Variants in ZNF479 observed in about 807,000 individuals in gnomAD.
ZNF479 encodes zinc finger protein 479.
ZNF479 carries 15 observed loss-of-function variants against 14.7 expected under a neutral mutation model. The observed-to-expected ratio is 1.02, with a 90% CI of 0.68 to 1.57. The LOEUF (loss-of-function observed/expected upper bound fraction) is 1.57. Among genes scored for constraint, ZNF479 ranks in the 40% most tolerant of loss-of-function variants. The pLI is 0.00. For synonymous variants in ZNF479, 145 were observed against 211.5 expected (o/e 0.69, Z 2.73); for missense variants, 506 against 615.1 (o/e 0.82, Z 1.88).
intron 2 of ZNF479, 34 bp downstream of exon 2, chr7:57,126,558 T>C (rs1208579617): frequency 6.3e-7 from 1 of 1,578,870 alleles, no homozygotes; most frequent in East Asian, 2.2e-5. Flanking sequence ...AGAAAAGCAA[T>C]ATATTAGGAA....
intron 3 of ZNF479, among the ~76,000 whole-genome samples, chr7:57,121,814 A>T (rs1785967097): frequency 6.6e-6 from 1 of 152,152 alleles, no homozygotes; most frequent in Non-Finnish European, 1.5e-5. Context: ...CCAATCAAAA[A>T]AATCAAAAAT....
upstream of ZNF479, among the ~76,000 whole-genome samples, chr7:57,133,734 C>A (rs1272916401): frequency 6.6e-6 from 1 of 152,034 alleles, no homozygotes; most frequent in Admixed American, 6.6e-5. Flanking sequence ...GGCGTGGTGA[C>A]AGGCATCTGC....
At chr7:57,124,814 C>T (rs928896306) in intron 3 of ZNF479, among the ~76,000 whole-genome samples, 15 of 152,172 alleles carry the variant, frequency 9.9e-5, no homozygotes, top group African/African-American at 2.4e-4. Flanking sequence ...GTGGCTCACA[C>T]GTGTGATCCC....
chr7:57,126,621 A>C lies in ZNF479; in HGVS notation c.137T>G (p.Leu46Ter). Residue 46 changes from leucine (L) to a stop codon, truncating the protein, a stop_gained, in exon 2 of 4, where the codon TTA (leucine) becomes TGA (stop). Transcript: ENST00000319636. LOFTEE classifies it high-confidence loss of function. Reference protein sequence around the residue: ...AQRNLYRDVMLENYRNLVSLG... With the variant: ...AQRNLYRDVM ...GGAGACCAGGTTTCTGTAGTTCTCT[A>C]ACATCACATCTCTATATAAATTCCG... 4 of 1,614,008 alleles carry C rather than the reference A, an allele frequency of 2.5e-6. No homozygotes were observed. Among genetic ancestry groups the C allele is most frequent in the Non-Finnish European group, 3.4e-6 (4 of 1,179,958 alleles).
chr7:57,128,296 C>T (rs1379729791), intron 1 of ZNF479, among the ~76,000 whole-genome samples: 3 of 152,110 alleles, frequency 2.0e-5, no homozygotes, highest in Non-Finnish European at 4.4e-5. Flanking sequence ...CAGATAACTT[C>T]CCTGTTCTGT....
chr7:57,131,108 A>G (rs1211343061), intron 1 of ZNF479, among the ~76,000 whole-genome samples: 1 of 152,192 alleles, frequency 6.6e-6, no homozygotes, highest in Non-Finnish European at 1.5e-5. Context: ...AGGTCTGTTC[A>G]GGGTAGAGGA....
chr7:57,134,458 G>A (rs1168005128), upstream of ZNF479, among the ~76,000 whole-genome samples: 1 of 152,122 alleles, frequency 6.6e-6, no homozygotes, highest in Non-Finnish European at 1.5e-5. Context: ...ACCCAGTTCT[G>A]GAAATTGCCC....
intron 1 of ZNF479, among the ~76,000 whole-genome samples, chr7:57,139,449 T>C (rs532554831): frequency 6.6e-6 from 1 of 152,352 alleles, no homozygotes; most frequent in South Asian, 2.1e-4. Flanking sequence ...TCGCAAGATA[T>C]GTTGACTGTC....
Position 57,120,356 on chromosome 7 carries a change from A to G in ZNF479, c.1059T>C (p.Tyr353=), listed in dbSNP as rs1554400023. The G allele has an allele frequency of 8.7e-6, 14 of 1,611,220 alleles. No homozygotes were observed. The South Asian group carries it at 1.4e-4, about 16-fold the overall frequency. ...HKRIHTREKP[Y]ACEECGQAFS... ...AGGCTTGGCCACATTCTTCACAGGCATAGGGTTTCTCTCTAGTATGAATTC... is the reference window on the plus strand; with the variant it reads ...AGGCTTGGCCACATTCTTCACAGGCGTAGGGTTTCTCTCTAGTATGAATTC... Residue 353 remains tyrosine, a synonymous_variant, in exon 4 of 4, where the codon TAT becomes TAC. Coordinates refer to ENST00000319636, the MANE Select transcript of ZNF479 (RefSeq NM_001370129.2).
At chr7:57,130,534 A>C (rs1396031419) in intron 1 of ZNF479, among the ~76,000 whole-genome samples, 2 of 152,220 alleles carry the variant, frequency 1.3e-5, no homozygotes, top group Admixed American at 1.3e-4. Context: ...AAGATAGATA[A>C]AACACTAGAC....
chr7:57,134,267 G>A (rs746290807), upstream of ZNF479, among the ~76,000 whole-genome samples: 1 of 151,914 alleles, frequency 6.6e-6, no homozygotes, highest in African/African-American at 2.4e-5. Context: ...GTAAAGAAGC[G>A]ACAAAAATCC....
chr7:57,125,915 T>C (rs1786146583), intron 3 of ZNF479, 103 bp downstream of exon 3: 3 of 1,482,360 alleles, frequency 2.0e-6, no homozygotes, highest in African/African-American at 1.4e-5. Context: ...CAGAAACTCT[T>C]TTCATCAAAG....
At chr7:57,137,074 G>C (rs570297957), upstream of ZNF479, among the ~76,000 whole-genome samples, 1 of 152,302 alleles carries the variant, frequency 6.6e-6, no homozygotes, top group South Asian at 2.1e-4. Context: ...TCAAAAGTCA[G>C]AAATATTGGC....
At chr7:57,138,887 T>G (rs1266658442) in intron 1 of ZNF479, among the ~76,000 whole-genome samples, 1 of 152,150 alleles carries the variant, frequency 6.6e-6, no homozygotes, top group Non-Finnish European at 1.5e-5. Flanking sequence ...CACATGTGGA[T>G]TGAGCCACAG....
intron 1 of ZNF479, 132 bp downstream of exon 1, chr7:57,132,154 C>T: frequency 6.5e-7 from 1 of 1,535,610 alleles, no homozygotes; most frequent in Non-Finnish European, 9.0e-7. Flanking sequence ...GAGAGCCGAG[C>T]TGGGCCAAAG....
In ZNF479 at chr7:57,120,616, T is replaced by A. The variant is rs1785885771; in HGVS notation, c.799A>T (p.Lys267Ter). The A allele has an allele frequency of 3.1e-6, 5 of 1,614,014 alleles. No homozygotes were observed. The East Asian group carries it at 1.1e-4, about 36-fold the overall frequency. ...TRHKRTHTGE[K>*]PYTCEECGQA... ...CCACATTCTTCACACGTGTAGGGTT[T>A]CTCTCCAGTATGAGTTCTCTTATGT... Residue 267 changes from lysine (K) to a stop codon, truncating the protein, a stop_gained, in exon 4 of 4, where the codon AAA (lysine) becomes TAA (stop). Coordinates refer to ENST00000319636, the MANE Select transcript of ZNF479 (RefSeq NM_001370129.2). LOFTEE classifies it low-confidence loss of function (END_TRUNC).
chr7:57,121,156 A>G lies in ZNF479; in HGVS notation c.263-4T>C. ...TGGGTGAAATGGGAACGCGTAACTG[A>G]AAGACACAAAAAGCACAAGTTACTC... On this transcript the variant is annotated splice_region_variant and splice_polypyrimidine_tract_variant and intron_variant, in intron 3 of 3. Coordinates refer to ENST00000319636, the MANE Select transcript of ZNF479 (RefSeq NM_001370129.2). The G allele has an allele frequency of 1.2e-6, 2 of 1,613,592 alleles. No individual in the cohort carries two copies. The highest frequency in any genetic ancestry group is 2.2e-5 in the South Asian group (2 of 91,002).
At chr7:57,131,585 AAC>A (rs370373719) in intron 1 of ZNF479, among the ~76,000 whole-genome samples, 2,499 of 137,022 alleles carry the variant, frequency 0.018, 181 homozygotes, top group African/African-American at 0.059. Context: ...CAAACAAACA[AAC>A]AAAAAAAAAA....
chr7:57,139,759 C>A (rs1256706692), exon 1 of ZNF479: 2 of 152,208 alleles, frequency 1.3e-5, no homozygotes, highest in African/African-American at 4.8e-5. Context: ...ATCACAAGAC[C>A]TTTAACCCAA....
Sources: gnomAD v4.1 joint callset for allele counts (sites outside exome capture counted in the v4.1 genomes callset) on GRCh38, gnomAD v4.1.1 for gene constraint, MANE v1.5 for transcripts, NCBI Gene and HGNC (gene_info 2026-07-23, HGNC 2026-07-21) for gene names.